The following CDH13 variants were observed in gnomAD, a reference collection of about 807,000 sequenced individuals.
The protein encoded by CDH13 is cadherin 13.
In CDH13, 24 loss-of-function variants were observed where a neutral mutation model predicts 63.8. The ratio of observed to expected loss-of-function variants is 0.38; its 90% confidence interval spans 0.27 to 0.53. The LOEUF is 0.53. Among genes scored for constraint, CDH13 ranks in the 20% least tolerant of loss-of-function variants. CDH13 has a pLI of 0.85. For missense variants in CDH13, 1,049 were observed against 903.1 expected, an observed-to-expected ratio of 1.16 and a Z score of -2.07; for synonymous variants, 503 against 355.3, an observed-to-expected ratio of 1.42 and a Z score of -4.67.
chr16:83,285,802 T>C (rs567887217), intron 5 of CDH13, among the ~76,000 whole-genome samples: 1 of 152,300 alleles, frequency 6.6e-6, no homozygotes, highest in South Asian at 2.1e-4. Context: ...TCTGAGTTTG[T>C]TGGCAGTTTT....
chr16:83,671,013 A>C (rs1914453165), intron 9 of CDH13, 41 bp downstream of exon 9: 6 of 1,498,696 alleles, frequency 4.0e-6, no homozygotes, highest in Non-Finnish European at 4.5e-6. Context: ...TCATGCGAGC[A>C]CGGAGGGCCC....
At chr16:82,893,010 T>C (rs2041135586) in intron 2 of CDH13, among the ~76,000 whole-genome samples, 1 of 152,262 alleles carries the variant, frequency 6.6e-6, no homozygotes, top group Admixed American at 6.5e-5. Context: ...GTTTGACCAT[T>C]ATCTAAGAAA....
intron 11 of CDH13, among the ~76,000 whole-genome samples, chr16:83,763,265 G>C (rs1211434476): frequency 6.6e-6 from 1 of 152,164 alleles, no homozygotes; most frequent in Admixed American, 6.5e-5. Flanking sequence ...AATTAAAATG[G>C]AATAGACTAA....
At chr16:83,670,695 G>A (rs1914423418) in intron 8 of CDH13, 95 bp from the exon 9 acceptor site, 6 of 1,016,944 alleles carry the variant, frequency 5.9e-6, no homozygotes, top group African/African-American at 1.6e-5. Context: ...TTATTTTTAA[G>A]TGAGATGATG....
chr16:83,582,725 A>G (rs1430925663), intron 7 of CDH13, among the ~76,000 whole-genome samples: 1 of 152,150 alleles, frequency 6.6e-6, no homozygotes, highest in African/African-American at 2.4e-5. Flanking sequence ...CGGCCAGTGG[A>G]AATGGAGCTC....
intron 5 of CDH13, among the ~76,000 whole-genome samples, chr16:83,261,030 C>T (rs966140491): frequency 1.3e-5 from 2 of 151,970 alleles, no homozygotes; most frequent in Admixed American, 6.6e-5. Flanking sequence ...TCCTTTGGCC[C>T]TTGCAGTAGA....
At chr16:83,024,151 T>C (rs1192364806) in intron 2 of CDH13, among the ~76,000 whole-genome samples, 1 of 152,182 alleles carries the variant, frequency 6.6e-6, no homozygotes, top group African/African-American at 2.4e-5. Flanking sequence ...AGGAATGTAG[T>C]ACCAGCCAGC....
intron 1 of CDH13, among the ~76,000 whole-genome samples, chr16:82,799,241 GT>G (rs1442489741): frequency 2.0e-5 from 3 of 152,146 alleles, no homozygotes; most frequent in East Asian, 1.9e-4. Context: ...ATTTTTTGTT[GT>G]ACAGTTCAGT....
chr16:82,713,219 C>G (rs1261421143), intron 1 of CDH13, among the ~76,000 whole-genome samples: 2 of 152,138 alleles, frequency 1.3e-5, no homozygotes, highest in Admixed American at 6.5e-5. Context: ...GTTTCTCCAG[C>G]CTGGCCAAGA....
At chr16:83,160,343 G>A (rs536214619) in intron 4 of CDH13, among the ~76,000 whole-genome samples, 1 of 151,998 alleles carries the variant, frequency 6.6e-6, no homozygotes, top group East Asian at 1.9e-4. Context: ...ACCTGAAACT[G>A]CTCTTAAAAA....
intron 4 of CDH13, among the ~76,000 whole-genome samples, chr16:83,158,659 C>T (rs193075834): frequency 1.4e-4 from 21 of 152,356 alleles, no homozygotes; most frequent in East Asian, 7.7e-4. Flanking sequence ...TGCAGAGCCA[C>T]GTTAAACAGA....
At chr16:83,600,019 C>G (rs541804047) in intron 7 of CDH13, among the ~76,000 whole-genome samples, 1 of 152,268 alleles carries the variant, frequency 6.6e-6, no homozygotes, top group African/African-American at 2.4e-5. Context: ...CAGAAAGCCA[C>G]TTCCATTAGG....
At chr16:83,191,167 G>A (rs778477039) in intron 4 of CDH13, among the ~76,000 whole-genome samples, 3 of 147,568 alleles carry the variant, frequency 2.0e-5, no homozygotes, top group Non-Finnish European at 4.5e-5. Context: ...GATATGGAAA[G>A]AATAAGAACC....
chr16:83,120,800 G>A (rs1410782632), intron 3 of CDH13, among the ~76,000 whole-genome samples: 2 of 121,250 alleles, frequency 1.6e-5, no homozygotes, highest in African/African-American at 3.6e-5. Flanking sequence ...GTCTCACCGT[G>A]TCACCCAGGC....
chr16:82,983,104 A>G (rs188155319), intron 2 of CDH13, among the ~76,000 whole-genome samples: 2 of 152,310 alleles, frequency 1.3e-5, no homozygotes, highest in Non-Finnish European at 2.9e-5. Flanking sequence ...CAAAGACTTC[A>G]GCAAGGGAGG....
At chr16:82,965,239 T>G (rs1259356697) in intron 2 of CDH13, among the ~76,000 whole-genome samples, 1 of 152,168 alleles carries the variant, frequency 6.6e-6, no homozygotes, top group Non-Finnish European at 1.5e-5. Context: ...ACTAATACTT[T>G]GCTTCTTCCC....
chr16:83,787,539 G>A (rs528079404), intron 13 of CDH13, among the ~76,000 whole-genome samples: 21 of 152,270 alleles, frequency 1.4e-4, no homozygotes, highest in East Asian at 9.6e-4. Flanking sequence ...TATGACCAAC[G>A]CTACTACAGT....
At position 83,032,146 on chromosome 16, in the gene CDH13, A is replaced by G; in HGVS notation, c.294A>G (p.Ala98=). 3.7e-6 allele frequency: 6 copies of G among 1,613,734 alleles called. No individual in the cohort carries two copies. In the Admixed American group the frequency reaches 1.0e-4, roughly 27 times the overall value. ...TGGGCAAAACTCTGTTCGTCCATGC[A>G]CGGACCCCCCATGCGGAAGATATGG... The part of the protein sequence containing the change: ...TAVGKTLFVH[A]RTPHAEDMAE... Residue 98 remains alanine, a synonymous_variant, in exon 3 of 14, where the codon GCA becomes GCG. Transcript: ENST00000567109.
chr16:82,877,634 A>C (rs1209246931), intron 2 of CDH13, among the ~76,000 whole-genome samples: 2 of 152,052 alleles, frequency 1.3e-5, no homozygotes, highest in Admixed American at 1.3e-4. Context: ...TTTGTTTTTT[A>C]ATTTAAACTG....
Sources: gnomAD v4.1 joint callset for allele counts (sites outside exome capture counted in the v4.1 genomes callset) on GRCh38, gnomAD v4.1.1 for gene constraint, MANE v1.5 for transcripts, NCBI Gene and HGNC (gene_info 2026-07-23, HGNC 2026-07-21) for gene names.